Variants in CTTNBP2NL observed in about 807,000 individuals in gnomAD.
The protein encoded by CTTNBP2NL is CTTNBP2 N-terminal-like protein.
In CTTNBP2NL, 16 loss-of-function variants were observed where a neutral mutation model predicts 32.5. The ratio of observed to expected loss-of-function variants is 0.49; its 90% confidence interval spans 0.33 to 0.75. The LOEUF is 0.75. Ranked by LOEUF, CTTNBP2NL falls within the 30% of genes least tolerant of loss-of-function variation. CTTNBP2NL has a pLI of 0.02. For missense variants in CTTNBP2NL, 645 were observed against 756.0 expected, an observed-to-expected ratio of 0.85 and a Z score of 1.72; for synonymous variants, 298 against 289.4, an observed-to-expected ratio of 1.03 and a Z score of -0.30.
In CTTNBP2NL at chr1:112,460,196, T is replaced by C. The variant is rs1330924780; in HGVS notation, c.*2784T>C. 6.6e-6 allele frequency: 1 copy of C among 152,258 alleles called. No homozygotes were observed. The highest frequency in any genetic ancestry group is 1.5e-5 in the Non-Finnish European group (1 of 68,042). 9.4% of individuals were successfully genotyped at this position (152,258 alleles called of 1,614,324 possible). ...AATATACCATGCAGAAGTCTTCATT[T>C]TTATAGCAGACTGCATTAAAACAAG... On this transcript the variant is annotated 3_prime_UTR_variant, in exon 6 of 6. Transcript: ENST00000271277.
chr1:112,455,484 CAA>C (rs997770681), intron 5 of CTTNBP2NL, among the ~76,000 whole-genome samples: 5 of 152,124 alleles, frequency 3.3e-5, no homozygotes, highest in African/African-American at 1.2e-4. Flanking sequence ...GCCTGGGAGA[CAA>C]GAGTGAAACT....
chr1:112,438,919 C>G (rs1174344596), intron 3 of CTTNBP2NL, among the ~76,000 whole-genome samples: 1 of 152,172 alleles, frequency 6.6e-6, no homozygotes, highest in Non-Finnish European at 1.5e-5. Flanking sequence ...TTTTTACTCT[C>G]TCCCCATTTT....
chr1:112,394,805 C>T (rs1648270130), upstream of CTTNBP2NL, among the ~76,000 whole-genome samples: 1 of 152,134 alleles, frequency 6.6e-6, no homozygotes, highest in South Asian at 2.1e-4. Flanking sequence ...GTCATACATC[C>T]TTACTGGAAA....
chr1:112,399,410 T>G (rs926178449), intron 1 of CTTNBP2NL, among the ~76,000 whole-genome samples: 1 of 152,028 alleles, frequency 6.6e-6, no homozygotes, highest in Non-Finnish European at 1.5e-5. Context: ...GGATTTTTAG[T>G]TGATTTTGTG....
chr1:112,431,034 C>T lies in CTTNBP2NL; in HGVS notation c.99+14770C>T, dbSNP rs28634149. Among the ~76,000 whole-genome samples the T allele has an allele frequency of 7.8e-3, 1,190 of 152,266 alleles. 22 individuals carry two copies. The highest frequency in any genetic ancestry group is 0.027 in the African/African-American group (1,101 of 41,544). On this transcript the variant is annotated intron_variant, in intron 3 of 5. Transcript: ENST00000271277. ...AATTTCTCGTTTGACTGATGTCTTC[C>T]TGTGGGTTCTGTGTTTTGTTTTGTT...
chr1:112,421,566 G>T (rs1320245175), intron 3 of CTTNBP2NL, among the ~76,000 whole-genome samples: 1 of 149,064 alleles, frequency 6.7e-6, no homozygotes, highest in Non-Finnish European at 1.5e-5. Context: ...CTCCCAAAGT[G>T]CTGGGATTAC....
chr1:112,416,019 T>G (rs964395698), intron 2 of CTTNBP2NL, 138 bp from the exon 3 acceptor site: 1 of 597,630 alleles, frequency 1.7e-6, no homozygotes, highest in Non-Finnish European at 2.9e-6. Context: ...AGAAAACATA[T>G]TTCTATTTAA....
chr1:112,422,277 ATTAC>A (rs1365863978), intron 3 of CTTNBP2NL, among the ~76,000 whole-genome samples: 1 of 152,162 alleles, frequency 6.6e-6, no homozygotes, highest in Non-Finnish European at 1.5e-5. Flanking sequence ...ACTCAGCATA[ATTAC>A]TTTGAGATTT....
upstream of CTTNBP2NL, among the ~76,000 whole-genome samples, chr1:112,395,387 T>G (rs995644771): frequency 3.9e-5 from 6 of 152,000 alleles, no homozygotes; most frequent in African/African-American, 1.5e-4. Context: ...TGCCTAAGAC[T>G]TGCTGCCACC....
At chr1:112,438,501 T>C (rs959730874) in intron 3 of CTTNBP2NL, among the ~76,000 whole-genome samples, 1 of 152,184 alleles carries the variant, frequency 6.6e-6, no homozygotes, top group African/African-American at 2.4e-5. Flanking sequence ...AGATATAGAA[T>C]CATGTCATCT....
chr1:112,397,055 T>G (rs1029488057), intron 1 of CTTNBP2NL, among the ~76,000 whole-genome samples: 1 of 152,216 alleles, frequency 6.6e-6, no homozygotes, highest in African/African-American at 2.4e-5. Flanking sequence ...TCCACCCTAT[T>G]TCCTCCCTGA....
At chr1:112,454,331 G>A (rs1650306564) in intron 4 of CTTNBP2NL, 118 bp from the exon 5 acceptor site, 9 of 693,802 alleles carry the variant, frequency 1.3e-5, no homozygotes, top group Middle Eastern at 3.7e-4. Context: ...TCATTTATTC[G>A]TTTGTTTGTT....
upstream of CTTNBP2NL, among the ~76,000 whole-genome samples, chr1:112,392,853 TTTTTG>T (rs1402666680): frequency 6.6e-6 from 1 of 151,740 alleles, no homozygotes; most frequent in East Asian, 1.9e-4. Context: ...CCCTGATTTT[TTTTTG>T]TTTGTTTGTT....
At position 112,456,513 on chromosome 1, in the gene CTTNBP2NL, C is replaced by A. The variant is rs770705872; in HGVS notation, c.1021C>A (p.Pro341Thr). The change falls in exon 6 of 6, where the codon CCT becomes ACT. Residue 341 changes from proline (P) to threonine (T), a missense_variant. Coordinates refer to ENST00000271277, the MANE Select transcript of CTTNBP2NL (RefSeq NM_018704.3). The part of the protein sequence containing the change: ...TNTGLPGPAT[P>T]AYSYAKTNGH... Reference sequence around the variant, plus strand: ...CACTGGGCTGCCTGGTCCTGCCACTCCTGCTTACTCATATGCAAAAACCAA... The same window carrying A: ...CACTGGGCTGCCTGGTCCTGCCACTACTGCTTACTCATATGCAAAAACCAA... 33 of 1,614,140 alleles carry A rather than the reference C, an allele frequency of 2.0e-5. No homozygotes were observed. Among genetic ancestry groups the A allele is most frequent in the Non-Finnish European group, 2.8e-5 (33 of 1,180,012 alleles).
chr1:112,450,992 AT>A (rs146737233), intron 4 of CTTNBP2NL, among the ~76,000 whole-genome samples: 181 of 152,116 alleles, frequency 1.2e-3, no homozygotes, highest in African/African-American at 4.0e-3. Context: ...TATTAACCAT[AT>A]TCCCTTTGAC....
chr1:112,454,366 C>A, intron 4 of CTTNBP2NL, 83 bp from the exon 5 acceptor site: 1 of 972,562 alleles, frequency 1.0e-6, no homozygotes, highest in Non-Finnish European at 1.6e-6. Flanking sequence ...ATCTAAGGTG[C>A]CTGATTTGGC....
At position 112,399,259 on chromosome 1, in the gene CTTNBP2NL, C is replaced by T. The variant is rs937888707; in HGVS notation, c.-134+2987C>T. Among the ~76,000 whole-genome samples the T allele has an allele frequency of 1.4e-4, 20 of 139,600 alleles. No homozygotes were observed. In the Admixed American group the frequency reaches 1.6e-3, roughly 11 times the overall value. 91.6% of individuals were successfully genotyped at this position (139,600 alleles called of 152,430 possible). On this transcript the variant is annotated intron_variant, in intron 1 of 5. Coordinates refer to ENST00000271277, the MANE Select transcript of CTTNBP2NL (RefSeq NM_018704.3). The stretch of plus-strand genomic sequence containing the variant: ...GCTTGAACCCAGGAGGCAGAGTTTG[C>T]AGTGAGCTGAGATTGCACCACTGCG...
intron 3 of CTTNBP2NL, among the ~76,000 whole-genome samples, chr1:112,437,889 C>T (rs1053524139): frequency 2.6e-5 from 4 of 152,146 alleles, no homozygotes; most frequent in African/African-American, 9.7e-5. Context: ...AATATTTTCT[C>T]TCATTCTGTA....
intron 2 of CTTNBP2NL, among the ~76,000 whole-genome samples, chr1:112,414,167 A>AC (rs1648986666): frequency 6.6e-6 from 1 of 152,154 alleles, no homozygotes; most frequent in Non-Finnish European, 1.5e-5. Context: ...GGAGTTCAAG[A>AC]CCAGCCTTGC....
Sources: gnomAD v4.1 joint callset for allele counts (sites outside exome capture counted in the v4.1 genomes callset) on GRCh38, gnomAD v4.1.1 for gene constraint, MANE v1.5 for transcripts, NCBI Gene and HGNC (gene_info 2026-07-23, HGNC 2026-07-21) for gene names.